The following ZNF407 variants were observed in gnomAD, a reference collection of about 807,000 sequenced individuals.
ZNF407 encodes the protein zinc finger protein 407.
A neutral mutation model predicts 131.2 loss-of-function variants in ZNF407; 17 were observed. That is an observed-to-expected ratio of 0.13 (90% confidence interval 0.09 to 0.19). The LOEUF (loss-of-function observed/expected upper bound fraction) is 0.19, where lower values mean the gene tolerates loss of function less well. Among genes scored for constraint, ZNF407 ranks in the 10% least tolerant of loss-of-function variants. The pLI is 1.00. For synonymous variants in ZNF407, 1,156 were observed against 1,062.0 expected (o/e 1.09, Z -1.72); for missense variants, 2,681 against 2,830.6 (o/e 0.95, Z 1.20).
At chr18:74,654,409 T>C (rs1179012429) in intron 3 of ZNF407, among the ~76,000 whole-genome samples, 1 of 151,842 alleles carries the variant, frequency 6.6e-6, no homozygotes, top group African/African-American at 2.4e-5. Context: ...TTCATTTCTA[T>C]GAAAATTCTT....
At chr18:74,813,977 G>A (rs72975422) in intron 4 of ZNF407, among the ~76,000 whole-genome samples, 12,018 of 152,146 alleles carry the variant, frequency 0.079, 610 homozygotes, top group South Asian at 0.16. Flanking sequence ...TGATGTAAGT[G>A]GATGTCCCAT....
At chr18:75,052,762 G>T (rs957058609) in intron 8 of ZNF407, among the ~76,000 whole-genome samples, 1 of 152,124 alleles carries the variant, frequency 6.6e-6, no homozygotes, top group African/African-American at 2.4e-5. Context: ...GTGCCTTCTG[G>T]GGGTGCCTGT....
At chr18:75,012,511 A>T (rs1449469208) in intron 8 of ZNF407, among the ~76,000 whole-genome samples, 1 of 152,138 alleles carries the variant, frequency 6.6e-6, no homozygotes, top group Non-Finnish European at 1.5e-5. Flanking sequence ...GTGTTACTAC[A>T]CTTTGCCAAC....
intron 7 of ZNF407, among the ~76,000 whole-genome samples, chr18:74,912,341 G>GTTCTT (rs1257349963): frequency 1.3e-5 from 2 of 152,048 alleles, no homozygotes; most frequent in Admixed American, 1.3e-4. Context: ...TTTTGTGTTG[G>GTTCTT]TTCTGGGTGG....
intron 6 of ZNF407, among the ~76,000 whole-genome samples, chr18:74,889,274 G>GCGTC (rs113120363): frequency 2.6e-5 from 4 of 151,220 alleles, no homozygotes; most frequent in African/African-American, 9.7e-5. Context: ...CTGCGTAGCT[G>GCGTC]TGTCTGTCTG....
At position 75,050,768 on chromosome 18, in the gene ZNF407, C is replaced by A. The variant is rs1357110150; in HGVS notation, c.5429-12382C>A. On this transcript the variant is annotated intron_variant, in intron 8 of 8. Transcript: ENST00000299687. ...AGGCTGATTTCTCTAGAAACATCCA[C>A]GAAAAGATAATCTACAGTAAAGGTA... Among the ~76,000 whole-genome samples the A allele has an allele frequency of 3.9e-5, 6 of 152,284 alleles. No homozygotes were observed. The South Asian group carries it at 1.2e-3, about 32-fold the overall frequency.
chr18:74,749,050 C>T (rs937217527), intron 3 of ZNF407, among the ~76,000 whole-genome samples: 1 of 152,082 alleles, frequency 6.6e-6, no homozygotes, highest in Non-Finnish European at 1.5e-5. Context: ...TGAACTGGCT[C>T]CAGCTGTGAC....
intron 3 of ZNF407, among the ~76,000 whole-genome samples, chr18:74,645,635 CTTTG>C (rs1406995587): frequency 2.0e-5 from 2 of 98,882 alleles, no homozygotes; most frequent in Non-Finnish European, 4.2e-5. Flanking sequence ...CAGTAAAACT[CTTTG>C]TGTGTGTGTG....
At chr18:74,724,815 G>A (rs1316747922) in intron 3 of ZNF407, among the ~76,000 whole-genome samples, 1 of 151,982 alleles carries the variant, frequency 6.6e-6, no homozygotes, top group East Asian at 1.9e-4. Flanking sequence ...ATATATTTTT[G>A]TGCTCTTTTC....
At position 74,795,943 on chromosome 18, in the gene ZNF407, T is replaced by C. The variant is rs558906225; in HGVS notation, c.4877+14441T>C. ...GTGGCATTTCATACCAGCCTCCCGCTGTGCACACGCGCACACACGCACACG... is the reference window on the plus strand; with the variant it reads ...GTGGCATTTCATACCAGCCTCCCGCCGTGCACACGCGCACACACGCACACG... On this transcript the variant is annotated intron_variant, in intron 4 of 8. Coordinates refer to ENST00000299687, the MANE Select transcript of ZNF407 (RefSeq NM_017757.3). 6.6e-5 allele frequency among the ~76,000 whole-genome samples: 10 copies of C among 152,372 alleles called. No homozygotes were observed. The South Asian group carries it at 1.7e-3, about 25-fold the overall frequency.
intron 8 of ZNF407, among the ~76,000 whole-genome samples, chr18:74,957,026 A>T (rs909572094): frequency 6.6e-6 from 1 of 152,140 alleles, no homozygotes; most frequent in African/African-American, 2.4e-5. Context: ...TTATAATCAG[A>T]ATGTTGCTTT....
In ZNF407 at chr18:74,730,220, T is replaced by C. The variant is rs1408243373; in HGVS notation, c.4803-51208T>C. ...TCTGGGAAGCTCTACAGGTTACTTGTAGTTTTTAATATTCTAATTAAGGTT... is the reference window on the plus strand; with the variant it reads ...TCTGGGAAGCTCTACAGGTTACTTGCAGTTTTTAATATTCTAATTAAGGTT... On this transcript the variant is annotated intron_variant, in intron 3 of 8. Transcript: ENST00000299687. Among the ~76,000 whole-genome samples, 3 of 152,346 alleles carry C rather than the reference T, an allele frequency of 2.0e-5. No individual in the cohort carries two copies. In the East Asian group the frequency reaches 5.8e-4, roughly 29 times the overall value.
chr18:75,036,591 T>C (rs1973311111), intron 8 of ZNF407, among the ~76,000 whole-genome samples: 1 of 152,244 alleles, frequency 6.6e-6, no homozygotes, highest in African/African-American at 2.4e-5. Context: ...GACTGCAATA[T>C]GTGTTATTGA....
intron 8 of ZNF407, among the ~76,000 whole-genome samples, chr18:75,045,391 T>C (rs1973423406): frequency 6.6e-6 from 1 of 152,196 alleles, no homozygotes; most frequent in Admixed American, 6.5e-5. Context: ...TTTTTCAGGC[T>C]TAAGTTGGGG....
chr18:74,931,957 T>C lies in ZNF407; in HGVS notation c.5428+11265T>C, dbSNP rs117294670. ...AGACCTCTGAAATATGATTTGCAAA[T>C]ATTTTCTCCTAGTCTGAGACATGTC... On this transcript the variant is annotated intron_variant, in intron 8 of 8. Transcript: ENST00000299687. Among the ~76,000 whole-genome samples the C allele has an allele frequency of 4.6e-5, 7 of 152,332 alleles. No individual in the cohort carries two copies. The East Asian group carries it at 1.3e-3, about 29-fold the overall frequency.
chr18:74,941,459 C>T (rs552667911), intron 8 of ZNF407, among the ~76,000 whole-genome samples: 1 of 152,152 alleles, frequency 6.6e-6, no homozygotes, highest in African/African-American at 2.4e-5. Context: ...GTTTTCTCAC[C>T]GATGGTTCAT....
intron 8 of ZNF407, among the ~76,000 whole-genome samples, chr18:75,001,073 A>G (rs764437783): frequency 1.3e-5 from 2 of 152,140 alleles, no homozygotes; most frequent in African/African-American, 4.8e-5. Flanking sequence ...ATCAGTGCCT[A>G]TCACATGATG....
intron 6 of ZNF407, among the ~76,000 whole-genome samples, chr18:74,882,744 G>A (rs1459261534): frequency 6.6e-6 from 1 of 152,174 alleles, no homozygotes; most frequent in Non-Finnish European, 1.5e-5. Context: ...CTGGCTTCAG[G>A]ATTCAGCATA....
intron 4 of ZNF407, among the ~76,000 whole-genome samples, chr18:74,836,580 G>A (rs1269060715): frequency 6.6e-6 from 1 of 152,166 alleles, no homozygotes; most frequent in African/African-American, 2.4e-5. Flanking sequence ...CAGTGTAACT[G>A]ACTCAGAAGG....
Sources: allele counts gnomAD v4.1 joint callset (sites outside exome capture counted in the v4.1 genomes callset), GRCh38; gene constraint gnomAD v4.1.1; transcripts MANE v1.5; gene names NCBI Gene and HGNC (gene_info 2026-07-23, HGNC 2026-07-21).